Variants in WDPCP observed in about 807,000 individuals in gnomAD.
WDPCP encodes the protein WD repeat containing planar cell polarity effector.
A neutral mutation model predicts 93.1 loss-of-function variants in WDPCP; 71 were observed. The observed-to-expected ratio is 0.76, with a 90% CI of 0.63 to 0.93. The LOEUF (loss-of-function observed/expected upper bound fraction) is 0.93. Among genes scored for constraint, WDPCP ranks in the 40% least tolerant of loss-of-function variants. The probability of loss-of-function intolerance (pLI) is 0.00; values close to 1 mark genes in which losing one functional copy is unlikely to be tolerated. For missense variants in WDPCP, 844 were observed against 887.4 expected (o/e 0.95, Z 0.62); for synonymous variants, 315 against 315.0 (o/e 1.00, Z 0.00).
At chr2:63,177,210 T>C (rs1259146461) in intron 14 of WDPCP, among the ~76,000 whole-genome samples, 1 of 152,226 alleles carries the variant, frequency 6.6e-6, no homozygotes, top group Non-Finnish European at 1.5e-5. Context: ...CTTTTGAAGA[T>C]TGTTCTGGCT....
intron 9 of WDPCP, among the ~76,000 whole-genome samples, chr2:63,407,655 T>A (rs1269339616): frequency 6.6e-6 from 1 of 152,196 alleles, no homozygotes; most frequent in Non-Finnish European, 1.5e-5. Flanking sequence ...ACCAAAAGTA[T>A]CCTCATTTCT....
chr2:63,497,451 G>A (rs1175964313), intron 1 of WDPCP, among the ~76,000 whole-genome samples: 2 of 152,148 alleles, frequency 1.3e-5, no homozygotes, highest in African/African-American at 4.8e-5. Context: ...CAGGGGAGCG[G>A]GAGGAAGATA....
At chr2:63,605,214 G>T in intron 3 of WDPCP, 1 of 1,070,372 alleles carries the variant, frequency 9.3e-7, no homozygotes, top group Non-Finnish European at 1.4e-6. Flanking sequence ...AGGTCGACTT[G>T]GAATTAATGA....
At chr2:63,250,323 A>G (rs1680611309) in intron 14 of WDPCP, among the ~76,000 whole-genome samples, 3 of 152,200 alleles carry the variant, frequency 2.0e-5, no homozygotes, top group Admixed American at 2.0e-4. Flanking sequence ...GTGAGATTTC[A>G]TCACACTACT....
At chr2:63,317,345 T>C (rs2104034016) in intron 12 of WDPCP, among the ~76,000 whole-genome samples, 1 of 148,740 alleles carries the variant, frequency 6.7e-6, no homozygotes, top group African/African-American at 2.5e-5. Context: ...GAGGCAGAGG[T>C]TGCAGTGAGC....
chr2:63,559,506 T>C (rs1419154178), intron 1 of WDPCP, among the ~76,000 whole-genome samples: 2 of 152,186 alleles, frequency 1.3e-5, no homozygotes, highest in Non-Finnish European at 2.9e-5. Flanking sequence ...GATGACATGA[T>C]CCTATATCTA....
intron 14 of WDPCP, among the ~76,000 whole-genome samples, chr2:63,220,898 CCT>C (rs1432683757): frequency 6.6e-6 from 1 of 152,084 alleles, no homozygotes; most frequent in Admixed American, 6.6e-5. Flanking sequence ...TGTTCCCCTC[CCT>C]GTGTCCATGT....
intron 6 of WDPCP, among the ~76,000 whole-genome samples, chr2:63,460,959 A>G (rs1698968401): frequency 6.6e-6 from 1 of 152,130 alleles, no homozygotes; most frequent in African/African-American, 2.4e-5. Flanking sequence ...AAAAGGAAAT[A>G]CATGATGTTC....
intron 6 of WDPCP, among the ~76,000 whole-genome samples, chr2:63,468,998 C>G (rs916889664): frequency 7.3e-6 from 1 of 136,674 alleles, no homozygotes; most frequent in African/African-American, 2.8e-5. Context: ...CTCTTAAATA[C>G]AAGAAAAAAA....
intron 2 of WDPCP, among the ~76,000 whole-genome samples, chr2:63,653,172 A>G (rs1359228935): frequency 6.6e-6 from 1 of 152,226 alleles, no homozygotes; most frequent in Non-Finnish European, 1.5e-5. Context: ...GGAGCTTTAC[A>G]GTGAAAAAGG....
chr2:63,403,559 G>A (rs1252774945), intron 10 of WDPCP: 1 of 153,806 alleles, frequency 6.5e-6, no homozygotes, highest in East Asian at 1.9e-4. Context: ...AAGTTATACA[G>A]GTATCTTCAG....
At chr2:63,722,581 C>T (rs1297344199) in intron 2 of WDPCP, among the ~76,000 whole-genome samples, 2 of 136,974 alleles carry the variant, frequency 1.5e-5, no homozygotes, top group Admixed American at 7.2e-5. Flanking sequence ...GCCCCCCGCC[C>T]GGCCAGCCGC....
chr2:63,328,268 C>T (rs1398802080), intron 12 of WDPCP, among the ~76,000 whole-genome samples: 1 of 73,566 alleles, frequency 1.4e-5, no homozygotes, highest in Non-Finnish European at 2.6e-5. Context: ...GGAATAAAAG[C>T]AGGCCACCCG....
At chr2:63,588,892 TA>T, upstream of WDPCP, 1 of 995,616 alleles carries the variant, frequency 1.0e-6, no homozygotes, top group Non-Finnish European at 1.6e-6. Flanking sequence ...CAGGGCAGCG[TA>T]AACTACAGTT....
chr2:63,646,144 G>A (rs562719729), intron 3 of WDPCP, among the ~76,000 whole-genome samples: 1 of 151,872 alleles, frequency 6.6e-6, no homozygotes, highest in South Asian at 2.1e-4. Context: ...CTAGTTTCTT[G>A]CTTTTTATAT....
chr2:63,353,909 C>T (rs1575209092), intron 12 of WDPCP, among the ~76,000 whole-genome samples: 1 of 152,190 alleles, frequency 6.6e-6, no homozygotes, highest in Non-Finnish European at 1.5e-5. Flanking sequence ...ATGTGGTTGC[C>T]CATTCCCATA....
chr2:63,646,860 T>C (rs1057333040), intron 3 of WDPCP, among the ~76,000 whole-genome samples: 2 of 152,136 alleles, frequency 1.3e-5, no homozygotes, highest in African/African-American at 2.4e-5. Flanking sequence ...CTTTGGGAGT[T>C]TGATTTTTAA....
intron 6 of WDPCP, among the ~76,000 whole-genome samples, chr2:63,476,105 C>G (rs2105853081): frequency 6.6e-6 from 1 of 152,240 alleles, no homozygotes; most frequent in South Asian, 2.1e-4. Flanking sequence ...CTGTACTTAT[C>G]ATTTGAAATG....
At chr2:63,308,920 A>C (rs1685960292) in intron 13 of WDPCP, among the ~76,000 whole-genome samples, 1 of 152,122 alleles carries the variant, frequency 6.6e-6, no homozygotes, top group Non-Finnish European at 1.5e-5. Flanking sequence ...ATACATCATG[A>C]AATACTGTTC....
Sources: allele counts gnomAD v4.1 joint callset (sites outside exome capture counted in the v4.1 genomes callset), GRCh38; gene constraint gnomAD v4.1.1; transcripts MANE v1.5; gene names NCBI Gene and HGNC (gene_info 2026-07-23, HGNC 2026-07-21).